Variants in ZCCHC4 observed in about 807,000 individuals in gnomAD.
ZCCHC4 encodes the protein rRNA N(6)-adenosine-methyltransferase ZCCHC4.
Under a neutral mutation model 67.7 loss-of-function variants are expected in ZCCHC4, and 54 were observed. The ratio of observed to expected loss-of-function variants is 0.80; its 90% CI spans 0.64 to 1.00. The LOEUF is 1.00. Among genes scored for constraint, ZCCHC4 ranks in the 50% least tolerant of loss-of-function variants. The pLI is 0.00. For synonymous variants in ZCCHC4, 198 were observed against 213.5 expected (o/e 0.93, Z 0.63); for missense variants, 609 against 617.0 (o/e 0.99, Z 0.14).
At position 25,312,940 on chromosome 4, in the gene ZCCHC4, G is replaced by A. The variant is rs776120529; in HGVS notation, c.127+4G>A. Reference sequence around the variant, plus strand: ...CCCGCCCCGCTGTGCCCTCACGGTGGGTCAGAGTCTGGGCTCAGCCTAACT... The same window carrying A: ...CCCGCCCCGCTGTGCCCTCACGGTGAGTCAGAGTCTGGGCTCAGCCTAACT... On this transcript the variant is annotated splice_donor_region_variant and intron_variant, in intron 1 of 12. Coordinates refer to ENST00000302874, the MANE Select transcript of ZCCHC4 (RefSeq NM_024936.3). 3 of 1,611,680 alleles carry A rather than the reference G, an allele frequency of 1.9e-6. No homozygotes were observed. Among genetic ancestry groups the A allele is most frequent in the Non-Finnish European group, 2.5e-6 (3 of 1,179,892 alleles).
chr4:25,354,905 C>CTTT lies in ZCCHC4; in HGVS notation c.1011+3234_1011+3236dup, dbSNP rs61156499. 1.9e-3 allele frequency among the ~76,000 whole-genome samples: 188 copies of CTTT among 101,518 alleles called. 5 individuals carry two copies. The highest frequency in any genetic ancestry group is 4.3e-3 in the African/African-American group (110 of 25,438). 66.6% of individuals were successfully genotyped at this position (101,518 alleles called of 152,430 possible). ...CTTTTCCCATAGACCTTGATTAGGC[C>CTTT]TTTTTTTTTTTTTTTTTTTTGGACA... On this transcript the variant is annotated intron_variant, in intron 8 of 12. Coordinates refer to ENST00000302874, the MANE Select transcript of ZCCHC4 (RefSeq NM_024936.3).
chr4:25,345,147 T>G (rs1038388662), intron 5 of ZCCHC4, among the ~76,000 whole-genome samples: 1 of 152,066 alleles, frequency 6.6e-6, no homozygotes, highest in African/African-American at 2.4e-5. Flanking sequence ...AGAAAATAAA[T>G]GAACAGCTGT....
intron 12 of ZCCHC4, chr4:25,365,717 A>G (rs1720914765): frequency 1.2e-5 from 12 of 985,356 alleles, no homozygotes; most frequent in Non-Finnish European, 1.4e-5. Flanking sequence ...ATCTCTCACC[A>G]ATATTTGATT....
At chr4:25,313,980 A>G in intron 1 of ZCCHC4, 66 bp from the exon 2 acceptor site, 1 of 1,019,432 alleles carries the variant, frequency 9.8e-7, no homozygotes, top group South Asian at 1.5e-5. Context: ...GGCAGCGAAA[A>G]CTAAGAACTT....
At chr4:25,347,631 A>G (rs1475414009) in intron 6 of ZCCHC4, among the ~76,000 whole-genome samples, 4 of 152,354 alleles carry the variant, frequency 2.6e-5, no homozygotes, top group Admixed American at 2.6e-4. Flanking sequence ...ATCAATCACT[A>G]AGTATTTAAG....
At chr4:25,329,476 T>G (rs1719063719) in intron 3 of ZCCHC4, among the ~76,000 whole-genome samples, 1 of 144,620 alleles carries the variant, frequency 6.9e-6, no homozygotes, top group Non-Finnish European at 1.5e-5. Flanking sequence ...AGGTGTTTTG[T>G]TTTTTTTTTT....
rs752468554 is a variant in ZCCHC4, at chr4:25,312,922, CG to C, written c.114del (p.Leu39CysfsTer11). 1 of 1,612,486 alleles carries C rather than the reference CG, an allele frequency of 6.2e-7. No homozygotes were observed. The highest frequency in any genetic ancestry group is 8.5e-7 in the Non-Finnish European group (1 of 1,179,916). ...VLPLDPAVPAPLCPHGPTLLF... is the reference protein window; with the variant it reads ...VLPLDPAVPAXLCPHGPTLLF... ...CCTTTGGATCCTGCCGTCCCCGCCC[CG>C]CTGTGCCCTCACGGTGGGTCAGAGT... On this transcript the variant is annotated frameshift_variant, in exon 1 of 13. Transcript: ENST00000302874. LOFTEE classifies it high-confidence loss of function.
chr4:25,324,498 GA>G (rs1284921261), intron 3 of ZCCHC4, among the ~76,000 whole-genome samples: 1 of 152,050 alleles, frequency 6.6e-6, no homozygotes, highest in East Asian at 1.9e-4. Context: ...CTGTGTTGTA[GA>G]AAAAAGCTGC....
intron 6 of ZCCHC4, among the ~76,000 whole-genome samples, chr4:25,348,737 C>G (rs183418448): frequency 3.4e-4 from 52 of 152,262 alleles, no homozygotes; most frequent in South Asian, 3.1e-3. Flanking sequence ...GAACCAATCC[C>G]TCAGGGATAC....
chr4:25,366,089 G>C, intron 12 of ZCCHC4: 1 of 973,410 alleles, frequency 1.0e-6, no homozygotes. Context: ...ATATCTGATA[G>C]TTTAATAATT....
At chr4:25,345,653 T>G in intron 6 of ZCCHC4, 33 bp downstream of exon 6, 1 of 1,406,674 alleles carries the variant, frequency 7.1e-7, no homozygotes, top group Non-Finnish European at 9.9e-7. Context: ...CATTGTTCTC[T>G]TATTGTGGAA....
At position 25,369,475 on chromosome 4, in the gene ZCCHC4, C is replaced by T; in HGVS notation, c.*311C>T. On this transcript the variant is annotated 3_prime_UTR_variant, in exon 13 of 13. Coordinates refer to ENST00000302874, the MANE Select transcript of ZCCHC4 (RefSeq NM_024936.3). ...TTGAGATGGAGTCTTGCTCTGTCTC[C>T]CAGGCTAGAGTGCAATGGCACAACC... 7.3e-6 allele frequency: 2 copies of T among 274,148 alleles called. No homozygotes were observed. The highest frequency in any genetic ancestry group is 1.4e-5 in the Non-Finnish European group (2 of 146,392). 17.0% of individuals were successfully genotyped at this position (274,148 alleles called of 1,614,324 possible). A position where few individuals can be genotyped will look rare whatever the true frequency, so the allele number is the denominator to read the frequency against.
rs775247982 is a variant in ZCCHC4 at position 25,314,107 on chromosome 4, C to G, written c.189C>G (p.Ala63=). 1 of 1,611,410 alleles carries G rather than the reference C, an allele frequency of 6.2e-7. No individual in the cohort carries two copies. The highest frequency in any genetic ancestry group is 2.2e-5 in the East Asian group (1 of 44,812). The change falls in exon 2 of 13, where the codon GCC becomes GCG. Residue 63 remains alanine, a synonymous_variant. Coordinates refer to ENST00000302874, the MANE Select transcript of ZCCHC4 (RefSeq NM_024936.3). Reference sequence around the variant, plus strand: ...AAGAAGAAACTCGGAGGTTTTATGCCTGTTCAGCCTGTAGAGATAGAAAAG... The same window carrying G: ...AAGAAGAAACTCGGAGGTTTTATGCGTGTTCAGCCTGTAGAGATAGAAAAG... ...QGKEETRRFY[A]CSACRDRKDC...
intron 3 of ZCCHC4, 109 bp from the exon 4 acceptor site, chr4:25,333,074 A>G (rs752188748): frequency 1.7e-4 from 183 of 1,085,228 alleles, no homozygotes; most frequent in Non-Finnish European, 2.1e-4. Flanking sequence ...TTTACGCAGT[A>G]CTCTTTAGGA....
intron 7 of ZCCHC4, among the ~76,000 whole-genome samples, chr4:25,350,356 G>A (rs921672810): frequency 1.3e-5 from 2 of 149,552 alleles, no homozygotes; most frequent in African/African-American, 5.0e-5. Flanking sequence ...TGCTTCCCAG[G>A]TTCAAGCGAT....
intron 8 of ZCCHC4, among the ~76,000 whole-genome samples, chr4:25,353,795 G>A (rs1720406163): frequency 6.6e-6 from 1 of 152,140 alleles, no homozygotes; most frequent in Admixed American, 6.5e-5. Context: ...ATAATACCTG[G>A]AAAGGCTTAG....
At chr4:25,333,836 T>C (rs1279985245) in intron 4 of ZCCHC4, 72 bp from the exon 5 acceptor site, 1 of 1,041,240 alleles carries the variant, frequency 9.6e-7, no homozygotes, top group East Asian at 2.6e-5. Context: ...ATTGATGGTT[T>C]TGTTGTTTGT....
intron 8 of ZCCHC4, among the ~76,000 whole-genome samples, chr4:25,352,863 C>T (rs1039843746): frequency 6.6e-6 from 1 of 152,192 alleles, no homozygotes; most frequent in Non-Finnish European, 1.5e-5. Flanking sequence ...AAGGCATATA[C>T]CATTATGAAA....
chr4:25,367,002 T>TA (rs1313218347), intron 12 of ZCCHC4, among the ~76,000 whole-genome samples: 2 of 152,198 alleles, frequency 1.3e-5, no homozygotes, highest in Non-Finnish European at 2.9e-5. Flanking sequence ...AAACTCCTGT[T>TA]AATAGTTACT....
Sources: allele counts gnomAD v4.1 joint callset (sites outside exome capture counted in the v4.1 genomes callset), GRCh38; gene constraint gnomAD v4.1.1; transcripts MANE v1.5; gene names NCBI Gene and HGNC (gene_info 2026-07-23, HGNC 2026-07-21).